The following PYGM variants were observed in gnomAD, a reference collection of about 807,000 sequenced individuals.
PYGM encodes the protein glycogen phosphorylase, muscle form.
In PYGM, 81 loss-of-function variants were observed where a neutral mutation model predicts 99.3. That is an observed-to-expected ratio of 0.82 (90% CI 0.68 to 0.98). The LOEUF is 0.98. PYGM is among the 50% of genes least tolerant of loss of function. The pLI is 0.00. For synonymous variants in PYGM, 436 were observed against 451.5 expected, an observed-to-expected ratio of 0.97 and a Z score of 0.44; for missense variants, 1,030 against 1,158.1, an observed-to-expected ratio of 0.89 and a Z score of 1.61.
chr11:64,750,091 G>A (rs567463945), intron 17 of PYGM, among the ~76,000 whole-genome samples: 104 of 152,184 alleles, frequency 6.8e-4, no homozygotes, highest in African/African-American at 2.2e-3. Flanking sequence ...CGCACCCGGC[G>A]TAGAGCAAGG....
At chr11:64,749,037 ACT>A (rs2135826412) in intron 17 of PYGM, 1 of 145,278 alleles carries the variant, frequency 6.9e-6, no homozygotes, top group African/African-American at 2.6e-5. Context: ...TGACAGAGTG[ACT>A]CTGTCTCAAA....
Position 64,746,445 on chromosome 11 carries a change from C to A in PYGM, c.*214G>T. On this transcript the variant is annotated 3_prime_UTR_variant, in exon 20 of 20. Transcript: ENST00000164139. ...AGGGAGTGGGTGCAGTTGGTCAGAC[C>A]CCATAAATAGGAGGGGACCGGGAGC... The A allele has an allele frequency of 1.6e-6, 1 of 639,144 alleles. No individual in the cohort carries two copies. Among genetic ancestry groups the A allele is most frequent in the South Asian group, 1.9e-5 (1 of 53,458 alleles). 39.6% of individuals were successfully genotyped at this position (639,144 alleles called of 1,614,324 possible). A position where few individuals can be genotyped will look rare whatever the true frequency, so the allele number is the denominator to read the frequency against.
intron 13 of PYGM, 145 bp downstream of exon 13, chr11:64,752,258 T>G (rs2058361964): frequency 7.8e-7 from 1 of 1,284,348 alleles, no homozygotes; most frequent in African/African-American, 1.5e-5. Context: ...AGATGATGCC[T>G]TCCCACCACA....
Position 64,750,400 on chromosome 11 carries a change from T to A in PYGM, c.2153A>T (p.Asp718Val), listed in dbSNP as rs762063648. The change falls in exon 17 of 20, where the codon GAT (aspartate) becomes GTT (valine). Residue 718 changes from aspartate (D) to valine (V), a missense_variant. Coordinates refer to ENST00000164139, the MANE Select transcript of PYGM (RefSeq NM_005609.4). ...CCCTCTTTGGTCAAGCTTATCCACA[T>A]CCTCCACCCGCATGCCAAAGATGAA... ...NFFIFGMRVE[D>V]VDKLDQRGYN... The A allele has an allele frequency of 5.0e-6, 8 of 1,613,956 alleles. No individual in the cohort carries two copies. The South Asian group carries it at 8.8e-5, about 18-fold the overall frequency.
rs201042910 is a variant in PYGM at position 64,753,559 on chromosome 11, C to T, written c.1363G>A (p.Gly455Ser). The change falls in exon 11 of 20, where the codon GGC (glycine) becomes AGC (serine). Residue 455 changes from glycine (G) to serine (S), a missense_variant. Gly to Ser is a moderately conservative substitution (Grantham distance 56, BLOSUM62 0). Transcript: ENST00000164139. Reference sequence around the variant, plus strand: ...ATCTCGGAGTGGATGCGCGCCACGCCGTTGACGGCGTGCGACCCCGCGATG... The same window carrying T: ...ATCTCGGAGTGGATGCGCGCCACGCTGTTGACGGCGTGCGACCCCGCGATG... ...LCIAGSHAVN[G>S]VARIHSEILK... The T allele has an allele frequency of 9.6e-5, 154 of 1,601,086 alleles. No individual in the cohort carries two copies. The highest frequency in any genetic ancestry group is 1.2e-4 in the Non-Finnish European group (144 of 1,176,782).
rs751372490 is a variant in PYGM, at chr11:64,746,598, T to TG, written c.*60dup. 1.9e-6 allele frequency: 3 copies of TG among 1,607,922 alleles called. No individual in the cohort carries two copies. The highest frequency in any genetic ancestry group is 1.7e-6 in the Non-Finnish European group (2 of 1,176,432). ...GTACCCCACCCTCTGCATGAGGTGC[T>TG]GGGGCTGGCCCAAGAGAGTGTGACA... On this transcript the variant is annotated 3_prime_UTR_variant, in exon 20 of 20. Coordinates refer to ENST00000164139, the MANE Select transcript of PYGM (RefSeq NM_005609.4).
Position 64,751,627 on chromosome 11 carries a change from A to C in PYGM, c.1797T>G (p.Phe599Leu). Residue 599 changes from phenylalanine to leucine, a missense_variant, in exon 15 of 20, where the codon TTT (phenylalanine) becomes TTG (leucine). Physicochemically the swap from Phe to Leu is conservative, Grantham distance 22. Coordinates refer to ENST00000164139, the MANE Select transcript of PYGM (RefSeq NM_005609.4). ...CTCCAATCATCACAGTCCGAGGCACAAAAAACTTATTGGGCTCCCTCTTGA... is the reference window on the plus strand; with the variant it reads ...CTCCAATCATCACAGTCCGAGGCACCAAAAACTTATTGGGCTCCCTCTTGA... ...NRIKREPNKF[F>L]VPRTVMIGGK... 3 of 1,613,946 alleles carry C rather than the reference A, an allele frequency of 1.9e-6. No homozygotes were observed. The South Asian group carries it at 3.3e-5, about 18-fold the overall frequency.
In PYGM at chr11:64,753,975, C is replaced by G. The variant is rs143401208; in HGVS notation, c.1143G>C (p.Leu381=). Residue 381 remains leucine, a synonymous_variant, in exon 10 of 20, where the codon CTG becomes CTC. Coordinates refer to ENST00000164139, the MANE Select transcript of PYGM (RefSeq NM_005609.4). The part of the protein sequence containing the change: ...RTCAYTNHTV[L]PEALERWPVH... ...CCGGCCAGCGCTCCAGGGCCTCGGG[C>G]AGCACCGTGTGGTTGGTGTAGGCAC... 6.2e-7 allele frequency: 1 copy of G among 1,606,350 alleles called. No individual in the cohort carries two copies. The highest frequency in any genetic ancestry group is 8.5e-7 in the Non-Finnish European group (1 of 1,176,364).
At position 64,753,510 on chromosome 11, in the gene PYGM, G is replaced by T; in HGVS notation, c.1403+9C>A. 1 of 1,580,868 alleles carries T rather than the reference G, an allele frequency of 6.3e-7. No individual in the cohort carries two copies. The highest frequency in any genetic ancestry group is 1.3e-5 in the African/African-American group (1 of 74,570). On this transcript the variant is annotated intron_variant, in intron 11 of 19. Transcript: ENST00000164139. ...TAGAGAGGGGCGGGATCTGGAAAGCGGGGCTCACATGGTCTTCTTGAGGAT... is the reference window on the plus strand; with the variant it reads ...TAGAGAGGGGCGGGATCTGGAAAGCTGGGCTCACATGGTCTTCTTGAGGAT...
chr11:64,759,313 G>A (rs1025029050), intron 1 of PYGM, among the ~76,000 whole-genome samples: 1 of 148,274 alleles, frequency 6.7e-6, no homozygotes, highest in South Asian at 2.3e-4. Context: ...CCCCAGCCCC[G>A]CCTGCTGCAC....
intron 1 of PYGM, among the ~76,000 whole-genome samples, chr11:64,759,127 C>G (rs2058416140): frequency 7.6e-6 from 1 of 130,800 alleles, no homozygotes; most frequent in Non-Finnish European, 1.7e-5. Flanking sequence ...AGCCTCAATC[C>G]CAAGGAGACC....
At chr11:64,749,228 TC>T (rs2058335943) in intron 17 of PYGM, among the ~76,000 whole-genome samples, 1 of 151,396 alleles carries the variant, frequency 6.6e-6, no homozygotes, top group Non-Finnish European at 1.5e-5. Context: ...GTATCTGTAA[TC>T]CCAGCTACTC....
In PYGM at chr11:64,755,579, A is replaced by C; in HGVS notation, c.661-21T>G. The C allele has an allele frequency of 6.2e-7, 1 of 1,602,006 alleles. No homozygotes were observed. Among genetic ancestry groups the C allele is most frequent in the South Asian group, 1.1e-5 (1 of 90,736 alleles). On this transcript the variant is annotated intron_variant, in intron 5 of 19. Transcript: ENST00000164139. This position sits in a 1 kb window ranked among gnomAD's most constrained non-coding sequence, Gnocchi z 4.1. Reference sequence around the variant, plus strand: ...ACCACCTGCGGGGGGCAATCCTGTCAGGAGCTGGCCAGCCCTGGCAATTGC... The same window carrying C: ...ACCACCTGCGGGGGGCAATCCTGTCCGGAGCTGGCCAGCCCTGGCAATTGC...
chr11:64,750,084 A>G (rs1341139930), intron 17 of PYGM, among the ~76,000 whole-genome samples: 3 of 152,002 alleles, frequency 2.0e-5, no homozygotes, highest in Non-Finnish European at 4.4e-5. Flanking sequence ...GAGCCACCGC[A>G]CCCGGCGTAG....
At chr11:64,751,703 T>TAGTA in intron 14 of PYGM, 48 bp from the exon 15 acceptor site, 1 of 1,604,242 alleles carries the variant, frequency 6.2e-7, no homozygotes, top group African/African-American at 1.3e-5. Flanking sequence ...TCCCTCTGGG[T>TAGTA]AGTAGCTCCT....
chr11:64,747,345 C>T lies in PYGM; in HGVS notation c.2191G>A (p.Glu731Lys). The T allele has an allele frequency of 1.2e-6, 2 of 1,614,196 alleles. No individual in the cohort carries two copies. Among genetic ancestry groups the T allele is most frequent in the Non-Finnish European group, 8.5e-7 (1 of 1,180,028 alleles). ...AGCTCAGGAATGCGATCGTAGTACT[C>T]CTGGGCATTGTACCTGCCAGGACAG... is the stretch of plus-strand genomic sequence containing the variant. ...KLDQRGYNAQEYYDRIPELRQ... is the reference protein window; with the variant it reads ...KLDQRGYNAQKYYDRIPELRQ... Residue 731 changes from glutamate to lysine, a missense_variant, in exon 18 of 20, where the codon GAG becomes AAG. Transcript: ENST00000164139.
At position 64,753,199 on chromosome 11, in the gene PYGM, G is replaced by A. The variant is rs2135832414; in HGVS notation, c.1404-12C>T. 6.3e-7 allele frequency: 1 copy of A among 1,592,590 alleles called. No homozygotes were observed. Among genetic ancestry groups the A allele is most frequent in the Non-Finnish European group, 8.6e-7 (1 of 1,160,640 alleles). On this transcript the variant is annotated splice_polypyrimidine_tract_variant and intron_variant, in intron 11 of 19. Coordinates refer to ENST00000164139, the MANE Select transcript of PYGM (RefSeq NM_005609.4). ...AGAAGTCTTTGAAGCTGCAGGATGA[G>A]GTTGGACGAGGGTCACCACTCACCC...
intron 15 of PYGM, 63 bp from the exon 16 acceptor site, chr11:64,751,529 C>T (rs947822409): frequency 6.8e-6 from 11 of 1,614,142 alleles, no homozygotes; most frequent in Middle Eastern, 1.6e-4. Flanking sequence ...TCCTGCAACT[C>T]AGCTGGGCTG....
Position 64,751,361 on chromosome 11 carries a change from A to C in PYGM, c.1933T>G (p.Phe645Val). The C allele has an allele frequency of 1.2e-6, 2 of 1,614,198 alleles. No individual in the cohort carries two copies. The highest frequency in any genetic ancestry group is 2.2e-5 in the South Asian group (2 of 91,086). The change falls in exon 16 of 20, where the codon TTC becomes GTC. Residue 645 changes from phenylalanine to valine, a missense_variant. Coordinates refer to ENST00000164139, the MANE Select transcript of PYGM (RefSeq NM_005609.4). Reference protein sequence around the residue: ...PAVGDRLRVIFLENYRVSLAE... With the variant: ...PAVGDRLRVIVLENYRVSLAE... Reference sequence around the variant, plus strand: ...AGTGAGACTCGGTAGTTCTCCAGGAAGATGACACGGAGGCGGTCACCCACT... The same window carrying C: ...AGTGAGACTCGGTAGTTCTCCAGGACGATGACACGGAGGCGGTCACCCACT...
Sources: gnomAD v4.1 joint callset for allele counts (sites outside exome capture counted in the v4.1 genomes callset) on GRCh38, gnomAD v4.1.1 for gene constraint, Gnocchi (gnomAD v3.1) non-coding constraint, MANE v1.5 for transcripts, NCBI Gene and HGNC (gene_info 2026-07-23, HGNC 2026-07-21) for gene names.